TTC28: variants seen among roughly 807,000 people sequenced by gnomAD.
TTC28 encodes tetratricopeptide repeat domain 28.
In TTC28, 61 loss-of-function variants were observed where a neutral mutation model predicts 198.0. The observed-to-expected ratio is 0.31, with a 90% CI of 0.25 to 0.38. TTC28 has a LOEUF of 0.38. TTC28 is among the 10% of genes least tolerant of loss of function. The pLI, the probability that TTC28 is intolerant of heterozygous loss-of-function variation, is 1.00. For missense variants in TTC28, 2,678 were observed against 3,164.0 expected (o/e 0.85, Z 3.69); for synonymous variants, 1,171 against 1,297.8 (o/e 0.90, Z 2.10).
rs545694320 is a variant in TTC28, at chr22:28,491,372, C to G, written c.381+138180G>C. ...TGCAATCTACTTATCTGACAAAGGG[C>G]TAATATCCAGAATCTACAATAAACT... On this transcript the variant is annotated intron_variant, in intron 2 of 22. Transcript: ENST00000397906. 5.3e-5 allele frequency among the ~76,000 whole-genome samples: 8 copies of G among 152,122 alleles called. No homozygotes were observed. The South Asian group carries it at 1.0e-3, about 20-fold the overall frequency.
intron 2 of TTC28, among the ~76,000 whole-genome samples, chr22:28,353,104 CAA>C (rs1297471117): frequency 1.3e-5 from 2 of 151,868 alleles, no homozygotes; most frequent in Non-Finnish European, 2.9e-5. Context: ...ACAGGACAGA[CAA>C]AGAGGTAAAC....
intron 12 of TTC28, among the ~76,000 whole-genome samples, chr22:28,083,912 T>G (rs1941460202): frequency 6.6e-6 from 1 of 152,234 alleles, no homozygotes; most frequent in Non-Finnish European, 1.5e-5. Flanking sequence ...CCTCGCTCAT[T>G]GCTAGCACAG....
intron 2 of TTC28, among the ~76,000 whole-genome samples, chr22:28,437,684 C>T (rs576410593): frequency 6.6e-6 from 1 of 152,226 alleles, no homozygotes; most frequent in South Asian, 2.1e-4. Flanking sequence ...CCTCAACCTA[C>T]TGGGTTCAAT....
At chr22:28,363,432 C>T (rs1244984635) in intron 2 of TTC28, among the ~76,000 whole-genome samples, 1 of 152,182 alleles carries the variant, frequency 6.6e-6, no homozygotes, top group Non-Finnish European at 1.5e-5. Context: ...AAGTTTGCTG[C>T]AGGGGTGAGG....
At chr22:28,482,742 T>A (rs1275726832) in intron 2 of TTC28, among the ~76,000 whole-genome samples, 1 of 152,162 alleles carries the variant, frequency 6.6e-6, no homozygotes, top group Non-Finnish European at 1.5e-5. Context: ...CCCCTCTCCC[T>A]TTGTTCCTGG....
In TTC28 at chr22:28,576,161, C is replaced by T. The variant is rs79192935; in HGVS notation, c.381+53391G>A. 4.9e-4 allele frequency among the ~76,000 whole-genome samples: 74 copies of T among 151,666 alleles called. No individual in the cohort carries two copies. The East Asian group carries it at 0.01, about 21-fold the overall frequency. ...ACATGGCTTTTATTGTGTTATATTC[C>T]TTCTATGCCCAGTTTTTTTTTTTAG... On this transcript the variant is annotated intron_variant, in intron 2 of 22. Transcript: ENST00000397906.
chr22:28,572,729 C>T (rs1001967032), intron 2 of TTC28, among the ~76,000 whole-genome samples: 2 of 152,100 alleles, frequency 1.3e-5, no homozygotes, highest in Non-Finnish European at 2.9e-5. Flanking sequence ...TGGGGAAGAA[C>T]AGAGCATCTA....
chr22:28,081,865 A>G (rs1393359668), intron 12 of TTC28, among the ~76,000 whole-genome samples: 2 of 152,196 alleles, frequency 1.3e-5, no homozygotes, highest in African/African-American at 4.8e-5. Context: ...TTTTAACAAT[A>G]TTAACTCTTG....
intron 2 of TTC28, among the ~76,000 whole-genome samples, chr22:28,613,256 T>C (rs916872188): frequency 2.2e-4 from 33 of 152,118 alleles, no homozygotes; most frequent in Admixed American, 1.8e-3. Flanking sequence ...CAAGAAGAAG[T>C]TGAATCCCTG....
At chr22:28,031,214 G>A (rs1015893129) in intron 12 of TTC28, among the ~76,000 whole-genome samples, 10 of 152,212 alleles carry the variant, frequency 6.6e-5, no homozygotes, top group African/African-American at 9.6e-5. Context: ...TGGGAGTGCC[G>A]CCAGCCTGCA....
chr22:28,460,400 C>G (rs2047930197), intron 2 of TTC28, among the ~76,000 whole-genome samples: 2 of 152,060 alleles, frequency 1.3e-5, no homozygotes, highest in South Asian at 4.1e-4. Context: ...CAGTCCTACT[C>G]CTCTTTTTCA....
intron 12 of TTC28, among the ~76,000 whole-genome samples, chr22:28,033,058 G>T (rs1037060172): frequency 2.0e-5 from 3 of 152,150 alleles, no homozygotes; most frequent in African/African-American, 7.2e-5. Flanking sequence ...GCAACTGCCT[G>T]CTTGGAGCTG....
At chr22:28,585,935 C>T (rs2050308950) in intron 2 of TTC28, among the ~76,000 whole-genome samples, 1 of 151,532 alleles carries the variant, frequency 6.6e-6, no homozygotes, top group South Asian at 2.1e-4. Context: ...ATGTAACAAA[C>T]CTGCAAGTTC....
chr22:28,059,243 T>A (rs2146730242), intron 12 of TTC28, among the ~76,000 whole-genome samples: 1 of 152,170 alleles, frequency 6.6e-6, no homozygotes, highest in African/African-American at 2.4e-5. Flanking sequence ...TTTAAAACTA[T>A]AAATTTCCTT....
intron 5 of TTC28, among the ~76,000 whole-genome samples, chr22:28,178,097 G>A (rs1230966765): frequency 6.6e-6 from 1 of 152,112 alleles, no homozygotes; most frequent in Non-Finnish European, 1.5e-5. Flanking sequence ...GGGGGAGAGA[G>A]AAAGGGTATG....
chr22:28,629,500 G>A, intron 2 of TTC28, 52 bp downstream of exon 2: 1 of 1,463,496 alleles, frequency 6.8e-7, no homozygotes, highest in South Asian at 1.4e-5. Flanking sequence ...AAAGTAAGAA[G>A]CCAGGACAAA....
In TTC28 at chr22:27,981,230, A is replaced by ATTTTTTTTTTT. The variant is rs138635; in HGVS notation, c.*980_*990dup. 19 of 48,218 alleles carry ATTTTTTTTTTT rather than the reference A, an allele frequency of 3.9e-4. 4 individuals carry two copies. Among genetic ancestry groups the ATTTTTTTTTTT allele is most frequent in the East Asian group, 2.1e-3 (3 of 1,438 alleles). The allele number at this position is 48,218 out of a possible 1,614,324, so 3.0% of individuals were successfully genotyped here. On this transcript the variant is annotated 3_prime_UTR_variant, in exon 23 of 23. Transcript: ENST00000397906. ...TGGTTAAATCTAGTTAGCCATGGAA[A>ATTTTTTTTTTT]TTTTTTTTTTTTTTTTTTTTTTTTT...
chr22:28,381,282 A>T (rs1388607473), intron 2 of TTC28, among the ~76,000 whole-genome samples: 1 of 152,138 alleles, frequency 6.6e-6, no homozygotes, highest in Non-Finnish European at 1.5e-5. Context: ...AAGATTCTCA[A>T]CCAGTCCAAT....
chr22:28,117,998 C>A (rs2038287), intron 6 of TTC28, among the ~76,000 whole-genome samples: 128,391 of 152,176 alleles, frequency 0.84, 54,248 homozygotes, highest in East Asian at 0.99. Context: ...ACCCCATTTA[C>A]CCCGATGGTG....
Sources: gnomAD v4.1 joint callset for allele counts (sites outside exome capture counted in the v4.1 genomes callset) on GRCh38, gnomAD v4.1.1 for gene constraint, MANE v1.5 for transcripts, NCBI Gene and HGNC (gene_info 2026-07-23, HGNC 2026-07-21) for gene names.